Variants in WDR70 observed in about 807,000 individuals in gnomAD.
WDR70 encodes the protein WD repeat-containing protein 70.
A neutral mutation model predicts 88.6 loss-of-function variants in WDR70; 53 were observed. The observed-to-expected ratio is 0.60, with a 90% CI of 0.48 to 0.75. WDR70 has a LOEUF of 0.75. Among genes scored for constraint, WDR70 ranks in the 30% least tolerant of loss-of-function variants. WDR70 has a pLI of 0.00. For missense variants in WDR70, 610 were observed against 823.2 expected (o/e 0.74, Z 3.17); for synonymous variants, 280 against 270.0 (o/e 1.04, Z -0.36).
At chr5:37,447,458 A>T (rs1738533002) in intron 7 of WDR70, among the ~76,000 whole-genome samples, 1 of 152,220 alleles carries the variant, frequency 6.6e-6, no homozygotes, top group African/African-American at 2.4e-5. Flanking sequence ...AAGGATTATA[A>T]ATCATGCTGC....
intron 15 of WDR70, chr5:37,723,225 G>C (rs1190798245): frequency 6.2e-6 from 2 of 323,280 alleles, no homozygotes; most frequent in Non-Finnish European, 1.1e-5. Flanking sequence ...TCTATTCCAA[G>C]TGTGAACAAG....
chr5:37,419,493 C>T (rs552860500), intron 5 of WDR70, among the ~76,000 whole-genome samples: 1,519 of 151,648 alleles, frequency 0.01, 11 homozygotes, highest in Non-Finnish European at 0.016. Context: ...TGTGAGCCAC[C>T]GCGCCCAGCT....
intron 13 of WDR70, among the ~76,000 whole-genome samples, chr5:37,719,095 C>T (rs746278025): frequency 9.2e-5 from 14 of 152,012 alleles, no homozygotes; most frequent in Non-Finnish European, 1.8e-4. Flanking sequence ...ATAAACATGA[C>T]TTCATGAAGT....
At chr5:37,531,450 A>T (rs928996695) in intron 9 of WDR70, among the ~76,000 whole-genome samples, 1 of 151,900 alleles carries the variant, frequency 6.6e-6, no homozygotes, top group Non-Finnish European at 1.5e-5. Context: ...TAAATTCGGG[A>T]GCTCCAGTGT....
chr5:37,623,823 A>C (rs763826449), intron 10 of WDR70, among the ~76,000 whole-genome samples: 1 of 152,128 alleles, frequency 6.6e-6, no homozygotes, highest in Non-Finnish European at 1.5e-5. Context: ...TACTTTGTTG[A>C]AGGTCAATAA....
At position 37,722,877 on chromosome 5, in the gene WDR70, A is replaced by G; in HGVS notation, c.1540A>G (p.Lys514Glu). Residue 514 changes from lysine to glutamate, a missense_variant, in exon 15 of 18, where the codon AAA becomes GAA. Transcript: ENST00000265107. ...TAGGGGAGCAAAATTATGTGTGGTT[A>G]AAACCCAGCGGAAGGCAAAACAAGC... is the stretch of plus-strand genomic sequence containing the variant. ...SQRGAKLCVV[K>E]TQRKAKQAET... 1 of 1,613,634 alleles carries G rather than the reference A, an allele frequency of 6.2e-7. No homozygotes were observed.
chr5:37,739,808 C>T lies in WDR70; in HGVS notation c.1878-12678C>T, dbSNP rs539450768. On this transcript the variant is annotated intron_variant, in intron 17 of 17. Coordinates refer to ENST00000265107, the MANE Select transcript of WDR70 (RefSeq NM_018034.4). Reference sequence around the variant, plus strand: ...ATCCCTCCCCCAGCCCCCCATACCCCGACTGGCCCTGGTGTGTGATGTTCC... The same window carrying T: ...ATCCCTCCCCCAGCCCCCCATACCCTGACTGGCCCTGGTGTGTGATGTTCC... Among the ~76,000 whole-genome samples the T allele has an allele frequency of 5.3e-5, 8 of 152,208 alleles. No individual in the cohort carries two copies. In the East Asian group the frequency reaches 7.7e-4, roughly 15 times the overall value.
intron 3 of WDR70, among the ~76,000 whole-genome samples, chr5:37,388,738 CAA>C (rs56184955): frequency 2.1e-5 from 3 of 140,936 alleles, no homozygotes; most frequent in African/African-American, 2.6e-5. Flanking sequence ...GACTCCGTCT[CAA>C]AAAAAAAAAA....
intron 10 of WDR70, among the ~76,000 whole-genome samples, chr5:37,675,230 T>C: frequency 6.6e-6 from 1 of 152,108 alleles, no homozygotes; most frequent in East Asian, 1.9e-4. Flanking sequence ...AGAAGCTCTT[T>C]AGTTTAATTA....
intron 9 of WDR70, among the ~76,000 whole-genome samples, chr5:37,541,827 G>C (rs1321215196): frequency 6.6e-6 from 1 of 152,046 alleles, no homozygotes; most frequent in East Asian, 1.9e-4. Context: ...AAGAACCAGA[G>C]ACTTTAAAAA....
chr5:37,535,167 G>T (rs1741626155), intron 9 of WDR70, among the ~76,000 whole-genome samples: 1 of 151,984 alleles, frequency 6.6e-6, no homozygotes, highest in African/African-American at 2.4e-5. Flanking sequence ...ACGATAAAGA[G>T]TAGGAGAGAG....
Position 37,727,043 on chromosome 5 carries a change from C to G in WDR70, c.1875C>G (p.Ser625=), listed in dbSNP as rs1324505673. 2 of 1,605,208 alleles carry G rather than the reference C, an allele frequency of 1.2e-6. No homozygotes were observed. The highest frequency in any genetic ancestry group is 4.5e-5 in the East Asian group (2 of 44,598). The change falls in exon 17 of 18, where the codon TCC becomes TCG. Residue 625 remains serine (S), a splice_region_variant and synonymous_variant. Coordinates refer to ENST00000265107, the MANE Select transcript of WDR70 (RefSeq NM_018034.4). Reference sequence around the variant, plus strand: ...CATATTGGGTTTCTCCAGCATATTCCAAGTGAGAATATAGCTTTTTAAAAC... The same window carrying G: ...CATATTGGGTTTCTCCAGCATATTCGAAGTGAGAATATAGCTTTTTAAAAC... ...DSPYWVSPAY[S]KTQPKTMFAQ... is the part of the protein sequence containing the mutation.
chr5:37,410,479 G>A lies in WDR70; in HGVS notation c.492+13909G>A, dbSNP rs549537193. 3.6e-3 allele frequency among the ~76,000 whole-genome samples: 553 copies of A among 152,126 alleles called. 3 individuals carry two copies. The highest frequency in any genetic ancestry group is 0.01 in the Middle Eastern group (3 of 294). On this transcript the variant is annotated intron_variant, in intron 5 of 17. Transcript: ENST00000265107. Reference sequence around the variant, plus strand: ...TTTCCTCTAAGCAACCTCTCCAGATGCTAGCTGCATTTGCTACTTCCCAGG... The same window carrying A: ...TTTCCTCTAAGCAACCTCTCCAGATACTAGCTGCATTTGCTACTTCCCAGG...
intron 5 of WDR70, among the ~76,000 whole-genome samples, chr5:37,401,849 C>T (rs1345429519): frequency 1.3e-5 from 2 of 152,170 alleles, no homozygotes; most frequent in Non-Finnish European, 2.9e-5. Context: ...TGATCCTCCA[C>T]ACCTGTATAC....
At chr5:37,393,924 C>T (rs974365441) in intron 4 of WDR70, among the ~76,000 whole-genome samples, 11 of 152,054 alleles carry the variant, frequency 7.2e-5, no homozygotes, top group African/African-American at 1.2e-4. Flanking sequence ...TCAAGCAATC[C>T]GCTCACCTCT....
intron 9 of WDR70, among the ~76,000 whole-genome samples, chr5:37,560,723 C>T (rs1742477606): frequency 6.6e-6 from 1 of 151,916 alleles, no homozygotes; most frequent in Non-Finnish European, 1.5e-5. Flanking sequence ...CATTTGGAAT[C>T]ACTGGGCCTT....
chr5:37,502,658 A>G (rs1012824591), intron 8 of WDR70, among the ~76,000 whole-genome samples: 2 of 152,164 alleles, frequency 1.3e-5, no homozygotes, highest in African/African-American at 4.8e-5. Context: ...TGGGTAGTTT[A>G]TAAGAAAAGA....
At chr5:37,592,958 C>T (rs78095924) in intron 9 of WDR70, among the ~76,000 whole-genome samples, 2,933 of 152,280 alleles carry the variant, frequency 0.019, 85 homozygotes, top group African/African-American at 0.066. Flanking sequence ...AGTTCCAGAC[C>T]AGTCTGGGTA....
rs1340829507 is a variant in WDR70 at position 37,379,471 on chromosome 5, C to G, written c.26-18C>G. On this transcript the variant is annotated intron_variant, in intron 1 of 17. Transcript: ENST00000265107. ...GCGCCGCACTAACTAGGCCGCCTCT[C>G]TTTTCCTCTTGCTCCAGTGACAGGC... 1.2e-6 allele frequency: 2 copies of G among 1,613,946 alleles called. No homozygotes were observed. The highest frequency in any genetic ancestry group is 2.2e-5 in the East Asian group (1 of 44,886).
Sources: allele counts gnomAD v4.1 joint callset (sites outside exome capture counted in the v4.1 genomes callset), GRCh38; gene constraint gnomAD v4.1.1; transcripts MANE v1.5; gene names NCBI Gene and HGNC (gene_info 2026-07-23, HGNC 2026-07-21).